Variants in CACNA1C observed in about 807,000 individuals in gnomAD.
CACNA1C encodes the protein calcium voltage-gated channel subunit alpha1 C.
A neutral mutation model predicts 229.0 loss-of-function variants in CACNA1C; 30 were observed. That is an observed-to-expected ratio of 0.13 (90% CI 0.10 to 0.18). The LOEUF is 0.18. CACNA1C is among the 10% of genes least tolerant of loss of function. The probability of loss-of-function intolerance (pLI) is 1.00; values close to 1 mark genes in which losing one functional copy is unlikely to be tolerated. For synonymous variants in CACNA1C, 1,114 were observed against 1,132.5 expected, an observed-to-expected ratio of 0.98 and a Z score of 0.33; for missense variants, 1,658 against 2,845.0, an observed-to-expected ratio of 0.58 and a Z score of 9.49.
rs145343475 is a variant in CACNA1C, at chr12:2,201,465, C to T, written c.477+81035C>T. 2.4e-4 allele frequency among the ~76,000 whole-genome samples: 36 copies of T among 152,320 alleles called. No individual in the cohort carries two copies. In the East Asian group the frequency reaches 5.8e-3, roughly 24 times the overall value. ...TAGGAGTCGCATGTCCATACAGAGT[C>T]CCAGAGAAATTCTACATCTTTCTCT... On this transcript the variant is annotated intron_variant, in intron 3 of 46. Coordinates refer to ENST00000399655, the MANE Select transcript of CACNA1C (RefSeq NM_000719.7).
intron 3 of CACNA1C, among the ~76,000 whole-genome samples, chr12:2,387,463 C>T (rs1012652137): frequency 4.0e-5 from 6 of 150,734 alleles, no homozygotes; most frequent in African/African-American, 7.4e-5. Context: ...CCAGCCTGGG[C>T]GACAGATCAA....
intron 3 of CACNA1C, chr12:2,223,333 C>T (rs558008369): frequency 7.2e-5 from 11 of 152,334 alleles, no homozygotes; most frequent in Non-Finnish European, 1.0e-4. Flanking sequence ...GGACTCCCAG[C>T]TCCATTGAGG....
At chr12:2,185,588 A>G (rs570322342) in intron 3 of CACNA1C, among the ~76,000 whole-genome samples, 1 of 152,370 alleles carries the variant, frequency 6.6e-6, no homozygotes, top group African/African-American at 2.4e-5. Context: ...ATGGACACAG[A>G]CACACATAGA....
At chr12:2,425,117 A>G (rs769289356) in intron 3 of CACNA1C, among the ~76,000 whole-genome samples, 3 of 152,262 alleles carry the variant, frequency 2.0e-5, no homozygotes, top group Non-Finnish European at 2.9e-5. Flanking sequence ...AATCATTGCT[A>G]GGTAGCATAG....
intron 4 of CACNA1C, among the ~76,000 whole-genome samples, chr12:2,449,785 C>T (rs558633255): frequency 2.0e-4 from 31 of 152,330 alleles, no homozygotes; most frequent in South Asian, 8.3e-4. Context: ...CATCTGGCCC[C>T]GCAGTTCCTC....
intron 1 of CACNA1C, among the ~76,000 whole-genome samples, chr12:2,014,018 C>T (rs1441782437): frequency 6.6e-6 from 1 of 152,178 alleles, no homozygotes; most frequent in Non-Finnish European, 1.5e-5. Context: ...GTGTTTTCCA[C>T]ATTTCCTGTT....
intron 30 of CACNA1C, among the ~76,000 whole-genome samples, chr12:2,635,935 T>A (rs182923186): frequency 1.2e-4 from 19 of 152,340 alleles, no homozygotes; most frequent in African/African-American, 3.1e-4. Flanking sequence ...ATCATTTTTT[T>A]AAAATTAGTC....
chr12:2,146,967 A>T (rs2094771395), intron 3 of CACNA1C, among the ~76,000 whole-genome samples: 2 of 151,058 alleles, frequency 1.3e-5, no homozygotes, highest in Admixed American at 1.3e-4. Context: ...GCCCTTCCAG[A>T]CACAGGCAAA....
At chr12:2,291,325 T>A (rs1157399354) in intron 3 of CACNA1C, among the ~76,000 whole-genome samples, 1 of 152,182 alleles carries the variant, frequency 6.6e-6, no homozygotes, top group African/African-American at 2.4e-5. Flanking sequence ...GACGGATATT[T>A]GCTCAAGGGC....
intron 32 of CACNA1C, among the ~76,000 whole-genome samples, chr12:2,652,679 C>G (rs2095125682): frequency 6.6e-6 from 1 of 152,258 alleles, no homozygotes; most frequent in African/African-American, 2.4e-5. Context: ...CAGCAGCCTC[C>G]TGCCAGGGAC....
intron 3 of CACNA1C, among the ~76,000 whole-genome samples, chr12:2,279,644 T>C (rs2090312742): frequency 6.6e-6 from 1 of 152,254 alleles, no homozygotes; most frequent in Admixed American, 6.5e-5. Flanking sequence ...CCAGTGTCCT[T>C]TTGACTGTGT....
intron 3 of CACNA1C, among the ~76,000 whole-genome samples, chr12:2,315,920 G>A (rs2095665190): frequency 6.6e-6 from 1 of 152,206 alleles, no homozygotes; most frequent in Admixed American, 6.5e-5. Flanking sequence ...TGAAGCTTGG[G>A]AACATGTTCT....
intron 4 of CACNA1C, among the ~76,000 whole-genome samples, chr12:2,452,472 C>T (rs1037645473): frequency 4.3e-4 from 66 of 152,282 alleles, no homozygotes; most frequent in African/African-American, 1.5e-3. Flanking sequence ...CATTCCACAG[C>T]CTCACGGTCC....
rs190391245 is a variant in CACNA1C, at chr12:2,681,989, G to A, written c.5445-561G>A. The A allele has an allele frequency of 2.1e-5, 34 of 1,611,788 alleles. 1 individual carries two copies. In the East Asian group the frequency reaches 6.0e-4, roughly 29 times the overall value. The stretch of plus-strand genomic sequence containing the variant: ...CGATGTGTGAGGATCTGGAGCTCAG[G>A]AGGGATTCAGGCTCAGCAGGGACTC... On this transcript the variant is annotated intron_variant, in intron 42 of 46. Transcript: ENST00000399655.
At chr12:2,594,497 C>T (rs941911591) in intron 19 of CACNA1C, among the ~76,000 whole-genome samples, 2 of 152,108 alleles carry the variant, frequency 1.3e-5, no homozygotes, top group African/African-American at 4.8e-5. Flanking sequence ...TTATCTTGAC[C>T]ATTATATGTT....
At chr12:2,126,929 T>C (rs2090323417) in intron 3 of CACNA1C, among the ~76,000 whole-genome samples, 1 of 152,196 alleles carries the variant, frequency 6.6e-6, no homozygotes, top group African/African-American at 2.4e-5. Context: ...ATTGGCACCT[T>C]GTGCTAGCTT....
chr12:2,079,273 A>G (rs949778095), intron 1 of CACNA1C, among the ~76,000 whole-genome samples: 4 of 152,034 alleles, frequency 2.6e-5, no homozygotes, highest in Non-Finnish European at 5.9e-5. Context: ...AAAACTTAAA[A>G]TATAATAATA....
intron 2 of CACNA1C, among the ~76,000 whole-genome samples, chr12:2,116,364 G>T (rs112853155): frequency 6.6e-6 from 1 of 151,752 alleles, no homozygotes; most frequent in African/African-American, 2.4e-5. Flanking sequence ...GTAGAAATTG[G>T]GAAGGACTTT....
intron 3 of CACNA1C, among the ~76,000 whole-genome samples, chr12:2,206,129 C>A (rs545994766): frequency 6.7e-4 from 102 of 152,204 alleles, no homozygotes; most frequent in African/African-American, 2.5e-3. Flanking sequence ...CTGGACAGAC[C>A]TGGGATGGCT....
Sources: gnomAD v4.1 joint callset for allele counts (sites outside exome capture counted in the v4.1 genomes callset) on GRCh38, gnomAD v4.1.1 for gene constraint, MANE v1.5 for transcripts, NCBI Gene and HGNC (gene_info 2026-07-23, HGNC 2026-07-21) for gene names.